Variants in TTC3 observed in about 807,000 individuals in gnomAD.
TTC3 encodes the protein E3 ubiquitin-protein ligase TTC3.
Under a neutral mutation model 249.6 loss-of-function variants are expected in TTC3, and 180 were observed. The ratio of observed to expected loss-of-function variants is 0.72; its 90% CI spans 0.64 to 0.82. TTC3 has a LOEUF of 0.82. Ranked by LOEUF, TTC3 falls within the 40% of genes least tolerant of loss-of-function variation. The pLI, the probability that TTC3 is intolerant of heterozygous loss-of-function variation, is 0.00. For synonymous variants in TTC3, 717 were observed against 805.0 expected, an observed-to-expected ratio of 0.89 and a Z score of 1.85; for missense variants, 2,061 against 2,398.4, an observed-to-expected ratio of 0.86 and a Z score of 2.94.
At chr21:37,115,903 T>G (rs1335870374) in intron 11 of TTC3, among the ~76,000 whole-genome samples, 2 of 152,248 alleles carry the variant, frequency 1.3e-5, no homozygotes, top group Admixed American at 1.3e-4. Flanking sequence ...GAAACATTCC[T>G]TGGCCTCATT....
At chr21:37,097,598 G>A (rs754739078) in intron 10 of TTC3, among the ~76,000 whole-genome samples, 2 of 152,148 alleles carry the variant, frequency 1.3e-5, no homozygotes, top group Non-Finnish European at 2.9e-5. Context: ...TAAAGAAACA[G>A]GACACCAATT....
chr21:37,138,653 TTAAC>T lies in TTC3; in HGVS notation c.1601_1604del (p.Asn534MetfsTer15), dbSNP rs1166458646. The T allele has an allele frequency of 6.2e-7, 1 of 1,612,032 alleles. No homozygotes were observed. The highest frequency in any genetic ancestry group is 1.3e-5 in the African/African-American group (1 of 74,892). The stretch of plus-strand genomic sequence containing the variant: ...TGACAGCAATTGAACCTGGCCATGA[TTAAC>T]TATGTTTTGGTCGTCTATGGACTTG... On this transcript the variant is annotated frameshift_variant, in exon 19 of 46. Coordinates refer to ENST00000355666, the Ensembl canonical transcript of TTC3. LOFTEE classifies it high-confidence loss of function.
Position 37,090,303 on chromosome 21 carries a change from G to A in TTC3, c.480+17G>A, listed in dbSNP as rs1187676205. ...ATAGAAAATGTAAGTGTTAAACACT[G>A]AAACTGGCACAGCCACTGTGGATGA... On this transcript the variant is annotated intron_variant, in intron 6 of 45. Coordinates refer to ENST00000355666, the Ensembl canonical transcript of TTC3. 1 of 1,601,658 alleles carries A rather than the reference G, an allele frequency of 6.2e-7. No individual in the cohort carries two copies. The highest frequency in any genetic ancestry group is 8.5e-7 in the Non-Finnish European group (1 of 1,172,594).
intron 20 of TTC3, among the ~76,000 whole-genome samples, chr21:37,144,101 G>A (rs2078759741): frequency 6.6e-6 from 1 of 151,832 alleles, no homozygotes; most frequent in Non-Finnish European, 1.5e-5. Flanking sequence ...TGTGAGGTGG[G>A]GGGAGGGGAG....
At chr21:37,087,378 A>G in exon 2 of TTC3, 1 of 1,613,864 alleles carries the variant, frequency 6.2e-7, no homozygotes, top group African/African-American at 1.3e-5. Context: ...TGTTCGTGTG[A>G]CTCAGCTTTA....
intron 35 of TTC3, 101 bp from the exon 36 acceptor site, chr21:37,182,673 C>T: frequency 1.6e-6 from 2 of 1,219,052 alleles, no homozygotes; most frequent in Non-Finnish European, 2.2e-6. Flanking sequence ...GAACTTAGGT[C>T]ATTGTTTAAG....
chr21:37,145,289 AAT>A (rs1361478369), intron 21 of TTC3, among the ~76,000 whole-genome samples: 1 of 152,204 alleles, frequency 6.6e-6, no homozygotes, highest in Non-Finnish European at 1.5e-5. Context: ...TTTACAACTC[AAT>A]AATAAAAAGA....
chr21:37,156,963 G>A (rs2080155184), intron 28 of TTC3, 57 bp downstream of exon 28: 1 of 1,562,744 alleles, frequency 6.4e-7, no homozygotes, highest in African/African-American at 1.4e-5. Context: ...GAAAAAATCT[G>A]TGAAGGACCT....
At chr21:37,128,142 G>A (rs989100376) in intron 15 of TTC3, among the ~76,000 whole-genome samples, 5 of 152,134 alleles carry the variant, frequency 3.3e-5, no homozygotes, top group Non-Finnish European at 4.4e-5. Context: ...TGTTTTCTGA[G>A]GCCACCAAAG....
At chr21:37,078,765 A>G (rs192759895) in intron 1 of TTC3, among the ~76,000 whole-genome samples, 171 of 152,158 alleles carry the variant, frequency 1.1e-3, no homozygotes, top group African/African-American at 3.9e-3. Context: ...TAGTTCTTCT[A>G]GTTATTTTTG....
chr21:37,081,310 G>T (rs1208190599), intron 1 of TTC3, among the ~76,000 whole-genome samples: 1 of 151,812 alleles, frequency 6.6e-6, no homozygotes, highest in Non-Finnish European at 1.5e-5. Flanking sequence ...TAGAGATGGG[G>T]TTTCACCATG....
chr21:37,107,525 TGTA>T (rs774490431), intron 10 of TTC3, among the ~76,000 whole-genome samples: 8 of 152,316 alleles, frequency 5.3e-5, no homozygotes, highest in South Asian at 4.1e-4. Flanking sequence ...CATTTAATAA[TGTA>T]GTATCTAATT....
At chr21:37,145,960 G>A (rs537981548) in intron 21 of TTC3, among the ~76,000 whole-genome samples, 1 of 152,290 alleles carries the variant, frequency 6.6e-6, no homozygotes, top group Non-Finnish European at 1.5e-5. Context: ...TTCAATGTGT[G>A]GTTTGGAGGG....
At chr21:37,102,450 A>G (rs1032576182) in intron 10 of TTC3, among the ~76,000 whole-genome samples, 2 of 152,230 alleles carry the variant, frequency 1.3e-5, no homozygotes, top group Non-Finnish European at 2.9e-5. Flanking sequence ...CAGTTAAAAG[A>G]TGGATGGAAA....
At chr21:37,152,095 C>T in intron 26 of TTC3, 66 bp downstream of exon 26, 1 of 1,420,676 alleles carries the variant, frequency 7.0e-7, no homozygotes, top group South Asian at 1.7e-5. Flanking sequence ...ATGTAAGCAT[C>T]TTTTGGGCCT....
intron 6 of TTC3, 175 bp downstream of exon 6, chr21:37,090,461 T>TTC: frequency 1.5e-6 from 1 of 652,078 alleles, no homozygotes. Context: ...TTGGATCATT[T>TTC]TCTCTCTTTT....
intron 10 of TTC3, among the ~76,000 whole-genome samples, chr21:37,102,900 G>A (rs1296949536): frequency 1.3e-5 from 2 of 152,208 alleles, no homozygotes; most frequent in East Asian, 3.8e-4. Context: ...AGGAGGCTGA[G>A]GCAAGAGAAT....
intron 11 of TTC3, among the ~76,000 whole-genome samples, chr21:37,108,794 C>T (rs375857940): frequency 6.6e-6 from 1 of 152,254 alleles, no homozygotes; most frequent in East Asian, 1.9e-4. Context: ...GAAAAGATTT[C>T]TTAACACACA....
intron 34 of TTC3, among the ~76,000 whole-genome samples, chr21:37,168,215 T>G (rs1178694334): frequency 6.6e-6 from 1 of 152,164 alleles, no homozygotes; most frequent in East Asian, 1.9e-4. Flanking sequence ...TGCTAATATT[T>G]TAAGCCAAAA....
Sources: gnomAD v4.1 joint callset for allele counts (sites outside exome capture counted in the v4.1 genomes callset) on GRCh38, gnomAD v4.1.1 for gene constraint, MANE v1.5 for transcripts, NCBI Gene and HGNC (gene_info 2026-07-23, HGNC 2026-07-21) for gene names.